The following STOX2 variants were observed in gnomAD, a reference collection of about 807,000 sequenced individuals.
The protein encoded by STOX2 is storkhead-box protein 2.
A neutral mutation model predicts 60.9 loss-of-function variants in STOX2; 28 were observed. That is an observed-to-expected ratio of 0.46 (90% CI 0.34 to 0.63). The LOEUF is 0.63. Among genes scored for constraint, STOX2 ranks in the 30% least tolerant of loss-of-function variants. The probability of loss-of-function intolerance (pLI) is 0.01; values close to 1 mark genes in which losing one functional copy is unlikely to be tolerated. For synonymous variants in STOX2, 472 were observed against 463.9 expected, an observed-to-expected ratio of 1.02 and a Z score of -0.22; for missense variants, 1,024 against 1,187.7, an observed-to-expected ratio of 0.86 and a Z score of 2.03.
chr4:184,012,305 A>C (rs1734204307), intron 3 of STOX2, among the ~76,000 whole-genome samples: 1 of 152,080 alleles, frequency 6.6e-6, no homozygotes. Flanking sequence ...TCTAACTTCT[A>C]CTCCAGATTG....
At chr4:183,983,006 G>A (rs1176360896) in intron 1 of STOX2, among the ~76,000 whole-genome samples, 1 of 152,122 alleles carries the variant, frequency 6.6e-6, no homozygotes, top group Non-Finnish European at 1.5e-5. Context: ...ATCCCAGCCT[G>A]ACTGACTCTT....
At chr4:183,968,647 G>A (rs1467715022) in intron 1 of STOX2, among the ~76,000 whole-genome samples, 1 of 152,128 alleles carries the variant, frequency 6.6e-6, no homozygotes, top group Non-Finnish European at 1.5e-5. Flanking sequence ...GGGCTGAAAA[G>A]ACCAACCCTT....
intron 1 of STOX2, among the ~76,000 whole-genome samples, chr4:183,837,169 G>C (rs1365297801): frequency 2.0e-5 from 3 of 152,060 alleles, no homozygotes; most frequent in African/African-American, 7.3e-5. Flanking sequence ...AGCATCCCAG[G>C]CCATTCCCTT....
chr4:183,848,854 G>A lies in STOX2; in HGVS notation c.364+50799G>A, dbSNP rs538238670. Among the ~76,000 whole-genome samples, 6 of 152,302 alleles carry A rather than the reference G, an allele frequency of 3.9e-5. No homozygotes were observed. In the East Asian group the frequency reaches 9.6e-4, roughly 24 times the overall value. ...AGTAAGCTAAAGCCTGTGGTGTGTC[G>A]GATGCTGGAACAGGAGCCCGAAGTC... On this transcript the variant is annotated intron_variant, in intron 1 of 2. Transcript: ENST00000513034.
rs1462729331 is a variant in STOX2 at position 184,021,746 on chromosome 4, C to T, written c.*4462C>T. On this transcript the variant is annotated 3_prime_UTR_variant, in exon 4 of 4. Coordinates refer to ENST00000308497, the MANE Select transcript of STOX2 (RefSeq NM_020225.3). ...ACCATAGAAAATCAGTACAATATATCGAGCCCTACTTTGGAGGAGCTGGAT... is the reference window on the plus strand; with the variant it reads ...ACCATAGAAAATCAGTACAATATATTGAGCCCTACTTTGGAGGAGCTGGAT... 6.6e-6 allele frequency: 1 copy of T among 152,194 alleles called. No homozygotes were observed. The highest frequency in any genetic ancestry group is 1.5e-5 in the Non-Finnish European group (1 of 68,034). 9.4% of individuals were successfully genotyped at this position (152,194 alleles called of 1,614,324 possible).
intron 1 of STOX2, among the ~76,000 whole-genome samples, chr4:183,894,877 T>C (rs768374712): frequency 3.3e-5 from 5 of 152,212 alleles, no homozygotes; most frequent in Admixed American, 6.5e-5. Flanking sequence ...GGGAAGTCAT[T>C]TGAGTCATCT....
At chr4:183,798,856 C>T in intron 1 of STOX2, 1 of 944,314 alleles carries the variant, frequency 1.1e-6, no homozygotes, top group Middle Eastern at 5.5e-4. Flanking sequence ...GTTTGCATCG[C>T]CTGTAGAATA....
chr4:184,000,766 G>A lies in STOX2; in HGVS notation c.167-559G>A, dbSNP rs199796408. On this transcript the variant is annotated intron_variant, in intron 1 of 3. Transcript: ENST00000308497. ...CCTCGACTCTCAGCACCCAGGTGTTGTTCTGTTCTCTTGTGTGCCTGCCAC... is the reference window on the plus strand; with the variant it reads ...CCTCGACTCTCAGCACCCAGGTGTTATTCTGTTCTCTTGTGTGCCTGCCAC... Among the ~76,000 whole-genome samples, 3 of 147,912 alleles carry A rather than the reference G, an allele frequency of 2.0e-5. No individual in the cohort carries two copies. In the South Asian group the frequency reaches 6.5e-4, roughly 32 times the overall value.
intron 1 of STOX2, among the ~76,000 whole-genome samples, chr4:183,964,882 C>A (rs888868748): frequency 2.0e-5 from 3 of 152,160 alleles, no homozygotes; most frequent in Non-Finnish European, 4.4e-5. Flanking sequence ...CTGTGCCCAG[C>A]CAAATTGGTG....
At chr4:183,857,579 ATAACT>A (rs1165974012) in intron 1 of STOX2, among the ~76,000 whole-genome samples, 5 of 152,180 alleles carry the variant, frequency 3.3e-5, no homozygotes, top group Admixed American at 6.5e-5. Flanking sequence ...TCTTCTCCAC[ATAACT>A]TAAAAGATGT....
chr4:184,000,505 A>G (rs554593732), intron 1 of STOX2, among the ~76,000 whole-genome samples: 69 of 152,108 alleles, frequency 4.5e-4, no homozygotes, highest in Non-Finnish European at 2.6e-4. Flanking sequence ...TCAGCCTTCC[A>G]TGGCTCACCA....
At chr4:183,873,670 G>A (rs1285627924) in intron 1 of STOX2, among the ~76,000 whole-genome samples, 4 of 152,156 alleles carry the variant, frequency 2.6e-5, no homozygotes, top group South Asian at 2.1e-4. Flanking sequence ...TGTTGAAACC[G>A]GGAAGTGAGA....
chr4:183,939,272 G>A (rs1008382506), intron 1 of STOX2, among the ~76,000 whole-genome samples: 2 of 152,184 alleles, frequency 1.3e-5, no homozygotes, highest in African/African-American at 4.8e-5. Flanking sequence ...GGATGTAGGG[G>A]AGATTCCTTC....
chr4:184,007,546 A>G (rs1275263010), intron 2 of STOX2, among the ~76,000 whole-genome samples: 2 of 152,182 alleles, frequency 1.3e-5, no homozygotes, highest in African/African-American at 4.8e-5. Flanking sequence ...CTACCTTTTG[A>G]TGACAGTGAA....
At chr4:183,816,659 A>G (rs1478434849) in intron 1 of STOX2, among the ~76,000 whole-genome samples, 1 of 152,202 alleles carries the variant, frequency 6.6e-6, no homozygotes, top group Non-Finnish European at 1.5e-5. Flanking sequence ...TAAAAAAAAA[A>G]TTCAAAAAAA....
In STOX2 at chr4:183,951,201, C is replaced by A. The variant is rs867097600; in HGVS notation, c.166+44245C>A. Among the ~76,000 whole-genome samples the A allele has an allele frequency of 3.2e-4, 45 of 140,730 alleles. No homozygotes were observed. In the South Asian group the frequency reaches 7.2e-3, roughly 23 times the overall value. 92.3% of individuals were successfully genotyped at this position (140,730 alleles called of 152,430 possible). A position where few individuals can be genotyped will look rare whatever the true frequency, so the allele number is the denominator to read the frequency against. On this transcript the variant is annotated intron_variant, in intron 1 of 3. Transcript: ENST00000308497. Reference sequence around the variant, plus strand: ...CTGCACTCCAGCCTGGGCGACAGAGCGAGACTCCGTCTCAAAAAAAAAGAA... The same window carrying A: ...CTGCACTCCAGCCTGGGCGACAGAGAGAGACTCCGTCTCAAAAAAAAAGAA...
intron 1 of STOX2, among the ~76,000 whole-genome samples, chr4:183,802,463 C>A (rs1052958778): frequency 1.3e-5 from 2 of 152,116 alleles, no homozygotes; most frequent in African/African-American, 4.8e-5. Flanking sequence ...CAGCCTCCAA[C>A]TCCTGAGCTC....
intron 1 of STOX2, among the ~76,000 whole-genome samples, chr4:183,850,059 G>A (rs1450741747): frequency 6.6e-6 from 1 of 151,968 alleles, no homozygotes; most frequent in Non-Finnish European, 1.5e-5. Context: ...CACCTCCCGG[G>A]TTCAAGCAAT....
chr4:184,009,154 T>TTTTAGGTGTTC lies in STOX2; in HGVS notation c.320-4_320-3insTTTAGGTGTTC. The stretch of plus-strand genomic sequence containing the variant: ...ACAAGTGGTTTTTTTTTTTTTTTTT[T>TTTTAGGTGTTC]CAGGTGTTCCAACGCCAAGCCAAGA... On this transcript the variant is annotated splice_region_variant and splice_polypyrimidine_tract_variant and intron_variant, in intron 2 of 3. Coordinates refer to ENST00000308497, the MANE Select transcript of STOX2 (RefSeq NM_020225.3). The surrounding 1 kb of genome is among the most constrained non-coding windows in gnomAD (Gnocchi z 4.0). 6.8e-7 allele frequency: 1 copy of TTTTAGGTGTTC among 1,470,564 alleles called. No homozygotes were observed. The highest frequency in any genetic ancestry group is 9.1e-7 in the Non-Finnish European group (1 of 1,104,704). The allele number at this position is 1,470,564 out of a possible 1,614,324, so 91.1% of individuals were successfully genotyped here. A position where few individuals can be genotyped will look rare whatever the true frequency, so the allele number is the denominator to read the frequency against.
Sources: allele counts gnomAD v4.1 joint callset (sites outside exome capture counted in the v4.1 genomes callset), GRCh38; gene constraint gnomAD v4.1.1; non-coding constraint Gnocchi (gnomAD v3.1); transcripts MANE v1.5; gene names NCBI Gene and HGNC (gene_info 2026-07-23, HGNC 2026-07-21).